Variants in DIAPH1 observed in about 807,000 individuals in gnomAD.
DIAPH1 encodes protein diaphanous homolog 1.
DIAPH1 carries 46 observed loss-of-function variants against 140.7 expected under a neutral mutation model. The observed-to-expected ratio is 0.33, with a 90% CI of 0.26 to 0.42. The LOEUF (loss-of-function observed/expected upper bound fraction) is 0.42, where lower values mean the gene tolerates loss of function less well. Among genes scored for constraint, DIAPH1 ranks in the 10% least tolerant of loss-of-function variants. The pLI is 1.00. For synonymous variants in DIAPH1, 565 were observed against 551.6 expected, an observed-to-expected ratio of 1.02 and a Z score of -0.34; for missense variants, 1,310 against 1,558.7, an observed-to-expected ratio of 0.84 and a Z score of 2.69.
At chr5:141,583,677 T>C in intron 4 of DIAPH1, 62 bp from the exon 5 acceptor site, 2 of 1,587,374 alleles carry the variant, frequency 1.3e-6, no homozygotes, top group Middle Eastern at 1.7e-4. Context: ...TAAGGACTAG[T>C]ATTAGTCAAT....
At chr5:141,544,782 T>C (rs924884793) in intron 18 of DIAPH1, among the ~76,000 whole-genome samples, 2 of 152,226 alleles carry the variant, frequency 1.3e-5, no homozygotes, top group Admixed American at 6.5e-5. Flanking sequence ...CTCTCATACA[T>C]TGCTAGTGGA....
At chr5:141,571,778 T>C (rs770129652) in intron 17 of DIAPH1, 148 bp downstream of exon 17, 12 of 746,866 alleles carry the variant, frequency 1.6e-5, no homozygotes, top group Non-Finnish European at 2.9e-5. Context: ...AAACATCTTT[T>C]CTTTCTTTTG....
chr5:141,576,103 G>T (rs1419453766), intron 14 of DIAPH1, 127 bp downstream of exon 14: 1 of 788,768 alleles, frequency 1.3e-6, no homozygotes, highest in Admixed American at 2.0e-5. Flanking sequence ...TTTCCCCTGG[G>T]AACTACACTA....
chr5:141,553,669 T>C (rs1449726824), intron 18 of DIAPH1, among the ~76,000 whole-genome samples: 2 of 150,766 alleles, frequency 1.3e-5, no homozygotes, highest in East Asian at 3.9e-4. Flanking sequence ...GAAAACATCG[T>C]CTCAAATGCA....
intron 1 of DIAPH1, among the ~76,000 whole-genome samples, chr5:141,604,954 G>C (rs2099900707): frequency 1.3e-5 from 2 of 152,030 alleles, no homozygotes; most frequent in Non-Finnish European, 2.9e-5. Flanking sequence ...GTTAAAATAA[G>C]GTTGTTCTGA....
intron 1 of DIAPH1, among the ~76,000 whole-genome samples, chr5:141,601,776 T>C (rs768989943): frequency 3.9e-5 from 6 of 152,226 alleles, no homozygotes; most frequent in African/African-American, 7.2e-5. Context: ...CTTTCATTAC[T>C]CTATTCAAAT....
intron 27 of DIAPH1, among the ~76,000 whole-genome samples, chr5:141,517,347 C>T (rs566013231): frequency 5.3e-5 from 8 of 152,290 alleles, no homozygotes; most frequent in East Asian, 3.9e-4. Context: ...TCTATTTTCT[C>T]GTAATAGGGA....
chr5:141,542,053 C>G lies in DIAPH1; in HGVS notation c.2483-7620G>C, dbSNP rs2099890071. ...CAAATCCACTCCTAAGGCATATATC[C>G]CCCAAAACCAAAAACAGCTACTCAA... On this transcript the variant is annotated intron_variant, in intron 18 of 27. Coordinates refer to ENST00000389054, the MANE Select transcript of DIAPH1 (RefSeq NM_005219.5). 5.3e-5 allele frequency among the ~76,000 whole-genome samples: 8 copies of G among 152,098 alleles called. No individual in the cohort carries two copies. In the South Asian group the frequency reaches 1.7e-3, roughly 32 times the overall value.
At chr5:141,542,375 G>A (rs1372773709) in intron 18 of DIAPH1, among the ~76,000 whole-genome samples, 1 of 151,926 alleles carries the variant, frequency 6.6e-6, no homozygotes, top group Admixed American at 6.6e-5. Context: ...AGAGGTTGCA[G>A]TGAGCCAAGA....
chr5:141,617,413 G>GT (rs2099902862), intron 1 of DIAPH1, among the ~76,000 whole-genome samples: 1 of 152,186 alleles, frequency 6.6e-6, no homozygotes, highest in Non-Finnish European at 1.5e-5. Flanking sequence ...GAAGAGATGA[G>GT]TCACTATTTT....
chr5:141,595,474 T>A (rs2099899167), intron 1 of DIAPH1, among the ~76,000 whole-genome samples: 1 of 152,140 alleles, frequency 6.6e-6, no homozygotes, highest in Admixed American at 6.5e-5. Context: ...TCCCCATATG[T>A]CAAGGGCGGG....
chr5:141,528,912 G>T lies in DIAPH1; in HGVS notation c.2808C>A (p.Arg936=), dbSNP rs753959779. ...GTAGCTTGAAGAGAATGGCATTGAG[G>T]CGAGGCCGCAGTCGGGGCACAGTGC... ...VMGTVPRLRP[R]LNAILFKLQF... is the part of the protein sequence containing the mutation. The change falls in exon 22 of 28, where the codon CGC becomes CGA. Residue 936 remains arginine (R), a synonymous_variant. Coordinates refer to ENST00000389054, the MANE Select transcript of DIAPH1 (RefSeq NM_005219.5). The T allele has an allele frequency of 3.7e-6, 6 of 1,613,902 alleles. No individual in the cohort carries two copies. In the African/African-American group the frequency reaches 6.7e-5, roughly 18 times the overall value.
chr5:141,524,210 C>T lies in DIAPH1; in HGVS notation c.3594G>A (p.Val1198=), dbSNP rs1290898567. 2 of 1,614,028 alleles carry T rather than the reference C, an allele frequency of 1.2e-6. No individual in the cohort carries two copies. Among genetic ancestry groups the T allele is most frequent in the African/African-American group, 1.3e-5 (1 of 74,918 alleles). ...DMNAEGDETG[V]MDSLLEALQS... ...GCAGGGCTTCTAGAAGACTGTCCATCACACCTGTCTCATCGCCCTCTGTTA... is the reference window on the plus strand; with the variant it reads ...GCAGGGCTTCTAGAAGACTGTCCATTACACCTGTCTCATCGCCCTCTGTTA... Residue 1198 remains valine (V), a synonymous_variant, in exon 27 of 28, where the codon GTG becomes GTA. Coordinates refer to ENST00000389054, the MANE Select transcript of DIAPH1 (RefSeq NM_005219.5).
intron 1 of DIAPH1, among the ~76,000 whole-genome samples, chr5:141,600,323 T>G (rs888847027): frequency 3.3e-5 from 5 of 152,166 alleles, no homozygotes; most frequent in Admixed American, 6.5e-5. Context: ...AGGTGAGAAC[T>G]TAGCCCAGCC....
intron 18 of DIAPH1, among the ~76,000 whole-genome samples, chr5:141,539,146 G>A (rs568622619): frequency 2.6e-5 from 4 of 151,736 alleles, no homozygotes; most frequent in East Asian, 2.0e-4. Flanking sequence ...GCATGGTGGC[G>A]CACACCTGTA....
At chr5:141,557,111 G>A (rs942525103) in intron 18 of DIAPH1, among the ~76,000 whole-genome samples, 24 of 152,010 alleles carry the variant, frequency 1.6e-4, no homozygotes, top group Non-Finnish European at 2.6e-4. Context: ...ACTTTATTTG[G>A]CTCTGATTCA....
rs376766230 is a variant in DIAPH1, at chr5:141,610,369, C to T, written c.117+8429G>A. On this transcript the variant is annotated intron_variant, in intron 1 of 27. Coordinates refer to ENST00000389054, the MANE Select transcript of DIAPH1 (RefSeq NM_005219.5). ...AGGCTGGAGTGCAGTGGCACAACCT[C>T]GGCTCACTGCAACCTCCACCTCCCA... Among the ~76,000 whole-genome samples the T allele has an allele frequency of 8.6e-5, 13 of 151,460 alleles. No homozygotes were observed. The South Asian group carries it at 1.3e-3, about 15-fold the overall frequency.
intron 7 of DIAPH1, among the ~76,000 whole-genome samples, chr5:141,581,567 C>T (rs1316907594): frequency 6.6e-6 from 1 of 152,006 alleles, no homozygotes; most frequent in Non-Finnish European, 1.5e-5. Flanking sequence ...TTAATTATAA[C>T]AAAATTAAAC....
Position 141,526,408 on chromosome 5 carries a change from A to C in DIAPH1, c.3327T>G (p.Ser1109=). The C allele has an allele frequency of 6.2e-7, 1 of 1,614,218 alleles. No individual in the cohort carries two copies. The highest frequency in any genetic ancestry group is 8.5e-7 in the Non-Finnish European group (1 of 1,180,040). ...GCTCCTTATAGAGGGTCTCCATGTT[A>C]GAATGCATCATCCGCAGCTTGTTAT... ...EQYNKLRMMH[S]NMETLYKELG... The change falls in exon 25 of 28, where the codon TCT becomes TCG. Residue 1109 remains serine (S), a synonymous_variant. Transcript: ENST00000389054.
Sources: allele counts gnomAD v4.1 joint callset (sites outside exome capture counted in the v4.1 genomes callset), GRCh38; gene constraint gnomAD v4.1.1; transcripts MANE v1.5; gene names NCBI Gene and HGNC (gene_info 2026-07-23, HGNC 2026-07-21).